INPP5A: variants seen among roughly 807,000 people sequenced by gnomAD.
INPP5A encodes inositol polyphosphate-5-phosphatase A.
A neutral mutation model predicts 65.2 loss-of-function variants in INPP5A; 14 were observed. The observed-to-expected ratio is 0.21, with a 90% CI of 0.14 to 0.34. INPP5A has a LOEUF of 0.34. INPP5A is among the 10% of genes least tolerant of loss of function. The pLI, the probability that INPP5A is intolerant of heterozygous loss-of-function variation, is 1.00. For synonymous variants in INPP5A, 207 were observed against 208.3 expected, an observed-to-expected ratio of 0.99 and a Z score of 0.05; for missense variants, 431 against 545.6, an observed-to-expected ratio of 0.79 and a Z score of 2.09.
intron 6 of INPP5A, among the ~76,000 whole-genome samples, chr10:132,703,649 C>T (rs756940408): frequency 1.0e-4 from 13 of 124,776 alleles, no homozygotes; most frequent in South Asian, 2.9e-4. Context: ...CCTTCATCCC[C>T]GCACACCCCC....
chr10:132,634,943 C>T (rs2072324343), intron 2 of INPP5A, among the ~76,000 whole-genome samples: 1 of 152,262 alleles, frequency 6.6e-6, no homozygotes, highest in East Asian at 1.9e-4. Context: ...GGCAGTGTGT[C>T]CTTCAGTCTT....
At chr10:132,543,280 T>C (rs1287315703) in intron 1 of INPP5A, among the ~76,000 whole-genome samples, 1 of 151,934 alleles carries the variant, frequency 6.6e-6, no homozygotes, top group Non-Finnish European at 1.5e-5. Flanking sequence ...TTTTCCTCTC[T>C]GTGGATTTGC....
chr10:132,662,803 C>G (rs890082812), intron 4 of INPP5A, among the ~76,000 whole-genome samples: 2 of 152,212 alleles, frequency 1.3e-5, no homozygotes, highest in African/African-American at 4.8e-5. Flanking sequence ...AAACACAATC[C>G]AGAGCCAAGT....
At chr10:132,608,348 C>T (rs2071888652) in intron 2 of INPP5A, among the ~76,000 whole-genome samples, 1 of 152,214 alleles carries the variant, frequency 6.6e-6, no homozygotes, top group Non-Finnish European at 1.5e-5. Context: ...GCACTCTGTG[C>T]AGAGAGTGGG....
chr10:132,728,562 A>G (rs553721281), intron 9 of INPP5A, among the ~76,000 whole-genome samples: 12 of 152,202 alleles, frequency 7.9e-5, no homozygotes, highest in Non-Finnish European at 1.8e-4. Context: ...TCTCTGAGTG[A>G]GCTCATTTCT....
chr10:132,740,430 T>G (rs539762021), intron 9 of INPP5A, among the ~76,000 whole-genome samples: 9 of 152,182 alleles, frequency 5.9e-5, no homozygotes, highest in Admixed American at 5.9e-4. Context: ...TGGCGCGGCA[T>G]CCGGGAGCAC....
chr10:132,585,192 AG>A (rs2071532248), intron 1 of INPP5A, among the ~76,000 whole-genome samples: 1 of 152,240 alleles, frequency 6.6e-6, no homozygotes, highest in Non-Finnish European at 1.5e-5. Context: ...CTGAGCCAAA[AG>A]TTTTTTTATA....
In INPP5A at chr10:132,712,362, CGT is replaced by C. The variant is rs566616758; in HGVS notation, c.647+1912_647+1913del. The stretch of plus-strand genomic sequence containing the variant: ...GTGCGCACATCTGCGTGTGTGTGTT[CGT>C]GTGTGCATGTGTGTGGATGCTTGTG... On this transcript the variant is annotated intron_variant, in intron 8 of 15. Coordinates refer to ENST00000368594, the MANE Select transcript of INPP5A (RefSeq NM_005539.5). Among the ~76,000 whole-genome samples the C allele has an allele frequency of 7.2e-3, 1,086 of 150,608 alleles. 12 individuals are homozygous for C. Among genetic ancestry groups the C allele is most frequent in the Non-Finnish European group, 9.1e-3 (612 of 67,604 alleles).
Position 132,650,362 on chromosome 10 carries a change from T to G in INPP5A, c.219-56T>G. 2 of 1,196,650 alleles carry G rather than the reference T, an allele frequency of 1.7e-6. No homozygotes were observed. Among genetic ancestry groups the G allele is most frequent in the Non-Finnish European group, 2.5e-6 (2 of 800,558 alleles). The allele number at this position is 1,196,650 out of a possible 1,614,324, so 74.1% of individuals were successfully genotyped here. ...CCTCTTATACCTTGTGGTCATCTCA[T>G]GAGGTGCAAGGCGTCTGTGTGGCTT... On this transcript the variant is annotated intron_variant, in intron 3 of 15. Transcript: ENST00000368594. The surrounding 1 kb of genome is among the most constrained non-coding windows in gnomAD (Gnocchi z 5.5).
At position 132,698,932 on chromosome 10, in the gene INPP5A, G is replaced by A. The variant is rs981880872; in HGVS notation, c.474+1013G>A. On this transcript the variant is annotated intron_variant, in intron 6 of 15. Transcript: ENST00000368594. This position sits in a 1 kb window ranked among gnomAD's most constrained non-coding sequence, Gnocchi z 5.5. Reference sequence around the variant, plus strand: ...TGAGGGACTGTGGCCGCCCGTGAAGGATGGGGTGCTCCTGTCACCCTGTGG... The same window carrying A: ...TGAGGGACTGTGGCCGCCCGTGAAGAATGGGGTGCTCCTGTCACCCTGTGG... 6.6e-6 allele frequency among the ~76,000 whole-genome samples: 1 copy of A among 152,220 alleles called. No homozygotes were observed. The highest frequency in any genetic ancestry group is 6.5e-5 in the Admixed American group (1 of 15,284).
chr10:132,562,965 G>T (rs2071224699), intron 1 of INPP5A, among the ~76,000 whole-genome samples: 1 of 152,292 alleles, frequency 6.6e-6, no homozygotes, highest in South Asian at 2.1e-4. Context: ...TGGCCATGCC[G>T]GCTGCTCTGC....
At chr10:132,755,417 CAT>C (rs1379302585) in intron 11 of INPP5A, among the ~76,000 whole-genome samples, 1 of 144,772 alleles carries the variant, frequency 6.9e-6, no homozygotes, top group African/African-American at 2.6e-5. Context: ...TGTGAGCAGG[CAT>C]ATGCATATGA....
At chr10:132,723,322 CCTCT>C (rs765005403) in intron 8 of INPP5A, among the ~76,000 whole-genome samples, 31 of 152,252 alleles carry the variant, frequency 2.0e-4, no homozygotes, top group Non-Finnish European at 4.1e-4. Context: ...GGCCGCATTT[CCTCT>C]CTCTCCGCAC....
chr10:132,554,804 G>A (rs1283581139), intron 1 of INPP5A, among the ~76,000 whole-genome samples: 1 of 151,596 alleles, frequency 6.6e-6, no homozygotes, highest in Non-Finnish European at 1.5e-5. Flanking sequence ...CCTGTGGGTA[G>A]TATGGGTGGC....
At chr10:132,749,437 A>G in intron 9 of INPP5A, 80 bp from the exon 10 acceptor site, 1 of 1,295,886 alleles carries the variant, frequency 7.7e-7, no homozygotes, top group African/African-American at 1.5e-5. Flanking sequence ...ATCCTATCCC[A>G]CTGACTCGGG....
chr10:132,602,169 G>A (rs2071784512), intron 1 of INPP5A, among the ~76,000 whole-genome samples: 1 of 152,084 alleles, frequency 6.6e-6, no homozygotes, highest in South Asian at 2.1e-4. Flanking sequence ...TTGCCTCCTT[G>A]GTTAAGTTTA....
In INPP5A at chr10:132,555,176, G is replaced by T. The variant is rs2071110738; in HGVS notation, c.75+17005G>T. Among the ~76,000 whole-genome samples the T allele has an allele frequency of 6.6e-6, 1 of 151,934 alleles. No individual in the cohort carries two copies. Among genetic ancestry groups the T allele is most frequent in the Admixed American group, 6.6e-5 (1 of 15,242 alleles). On this transcript the variant is annotated intron_variant, in intron 1 of 15. Transcript: ENST00000368594. This position sits in a 1 kb window ranked among gnomAD's most constrained non-coding sequence, Gnocchi z 4.4. The stretch of plus-strand genomic sequence containing the variant: ...GCATAGATGGCATGGTGGGGTGGGG[G>T]GGTGTGGATGGCAAGCGGCAGGACC...
chr10:132,553,461 G>C (rs1241661175), intron 1 of INPP5A, among the ~76,000 whole-genome samples: 1 of 139,810 alleles, frequency 7.2e-6, no homozygotes, highest in Non-Finnish European at 1.5e-5. Context: ...AGCCTTGGTG[G>C]AATATTGAGT....
intron 2 of INPP5A, among the ~76,000 whole-genome samples, chr10:132,630,571 A>AGGG (rs1335086655): frequency 6.6e-5 from 10 of 150,436 alleles, no homozygotes; most frequent in South Asian, 2.1e-4. Flanking sequence ...GACATCCATG[A>AGGG]GAGGAAGACG....
Sources: allele counts gnomAD v4.1 joint callset (sites outside exome capture counted in the v4.1 genomes callset), GRCh38; gene constraint gnomAD v4.1.1; non-coding constraint Gnocchi (gnomAD v3.1); transcripts MANE v1.5; gene names NCBI Gene and HGNC (gene_info 2026-07-23, HGNC 2026-07-21).